Variants in SCLT1 observed in about 807,000 individuals in gnomAD.
The protein encoded by SCLT1 is sodium channel-associated protein 1.
SCLT1 carries 78 observed loss-of-function variants against 112.8 expected under a neutral mutation model. The ratio of observed to expected loss-of-function variants is 0.69; its 90% CI spans 0.58 to 0.83. SCLT1 has a LOEUF of 0.83. SCLT1 is among the 40% of genes least tolerant of loss of function. The pLI is 0.00. For synonymous variants in SCLT1, 257 were observed against 254.7 expected (o/e 1.01, Z -0.09); for missense variants, 747 against 770.4 (o/e 0.97, Z 0.36).
chr4:128,942,403 AG>A (rs1249525247), intron 17 of SCLT1, among the ~76,000 whole-genome samples: 2 of 152,158 alleles, frequency 1.3e-5, no homozygotes, highest in African/African-American at 4.8e-5. Context: ...ACATGGGGAA[AG>A]GTAAGCAAGA....
At chr4:128,978,227 C>G (rs1741350777) in intron 9 of SCLT1, among the ~76,000 whole-genome samples, 1 of 152,096 alleles carries the variant, frequency 6.6e-6, no homozygotes, top group South Asian at 2.1e-4. Flanking sequence ...TTGAAAACCA[C>G]TGACCTAGCA....
chr4:129,038,866 T>C (rs1442190553), intron 5 of SCLT1, among the ~76,000 whole-genome samples, 175 bp downstream of exon 5: 1 of 152,136 alleles, frequency 6.6e-6, no homozygotes, highest in Non-Finnish European at 1.5e-5. Flanking sequence ...GAAAGGGAAG[T>C]AACCTGTCCA....
intron 4 of SCLT1, among the ~76,000 whole-genome samples, chr4:129,041,045 G>A (rs1747656251): frequency 6.6e-6 from 1 of 152,140 alleles, no homozygotes; most frequent in Non-Finnish European, 1.5e-5. Context: ...AAATTTAAAT[G>A]AATTTAATTT....
intron 16 of SCLT1, among the ~76,000 whole-genome samples, chr4:128,944,054 C>T (rs1474310506): frequency 6.6e-6 from 1 of 152,102 alleles, no homozygotes; most frequent in Non-Finnish European, 1.5e-5. Context: ...GGCATGCTGA[C>T]CTGCCCATAT....
At chr4:128,896,621 T>A (rs748896259) in intron 18 of SCLT1, among the ~76,000 whole-genome samples, 2 of 152,110 alleles carry the variant, frequency 1.3e-5, no homozygotes, top group Non-Finnish European at 2.9e-5. Flanking sequence ...GAGTGCCTCT[T>A]CTCCTCCAAA....
At chr4:128,933,472 G>A (rs1054754502) in intron 18 of SCLT1, among the ~76,000 whole-genome samples, 4 of 151,906 alleles carry the variant, frequency 2.6e-5, no homozygotes, top group African/African-American at 7.3e-5. Context: ...TTGGTCCATG[G>A]GCCATTTTGA....
intron 5 of SCLT1, among the ~76,000 whole-genome samples, chr4:129,008,037 C>A (rs1449143358): frequency 6.6e-6 from 1 of 152,148 alleles, no homozygotes; most frequent in Non-Finnish European, 1.5e-5. Flanking sequence ...CATTTACACT[C>A]TTCCTAAATG....
At chr4:128,995,222 A>C (rs1373551493) in intron 8 of SCLT1, among the ~76,000 whole-genome samples, 1 of 152,170 alleles carries the variant, frequency 6.6e-6, no homozygotes, top group African/African-American at 2.4e-5. Context: ...ATAAGAGTCC[A>C]AAATCATGTT....
intron 2 of SCLT1, among the ~76,000 whole-genome samples, chr4:129,058,084 G>C (rs945263931): frequency 1.3e-5 from 2 of 151,882 alleles, no homozygotes; most frequent in Non-Finnish European, 2.9e-5. Flanking sequence ...ATAATGTCTC[G>C]TTTTTTCACT....
chr4:128,899,426 T>A (rs1254501047), intron 18 of SCLT1, among the ~76,000 whole-genome samples: 2 of 151,942 alleles, frequency 1.3e-5, no homozygotes, highest in South Asian at 4.1e-4. Context: ...ACAAAAACCA[T>A]AAGATTATCT....
chr4:129,062,471 A>G (rs1750072940), intron 2 of SCLT1, among the ~76,000 whole-genome samples: 1 of 152,002 alleles, frequency 6.6e-6, no homozygotes, highest in African/African-American at 2.4e-5. Context: ...TTGACTATAA[A>G]CTTACTTTTA....
intron 9 of SCLT1, among the ~76,000 whole-genome samples, chr4:128,975,680 G>T (rs549738413): frequency 1.1e-4 from 16 of 152,030 alleles, no homozygotes; most frequent in Non-Finnish European, 2.2e-4. Context: ...AAATGCACAC[G>T]TTAGGTAATT....
chr4:129,042,582 T>G (rs1256011627), intron 4 of SCLT1, among the ~76,000 whole-genome samples: 1 of 152,162 alleles, frequency 6.6e-6, no homozygotes, highest in Non-Finnish European at 1.5e-5. Context: ...TCTAAGCACC[T>G]AAGCAATATC....
intron 1 of SCLT1, among the ~76,000 whole-genome samples, chr4:129,088,384 C>A (rs1433030048): frequency 1.3e-5 from 2 of 152,062 alleles, no homozygotes; most frequent in African/African-American, 4.8e-5. Context: ...AACATAAGAA[C>A]GTCTATGAAA....
intron 10 of SCLT1, among the ~76,000 whole-genome samples, chr4:128,967,767 G>A (rs532519738): frequency 6.6e-6 from 1 of 152,130 alleles, no homozygotes; most frequent in Admixed American, 6.5e-5. Flanking sequence ...CAGATGCACA[G>A]TTTGCAAATA....
In SCLT1 at chr4:128,936,759, A is replaced by C. The variant is rs368502055; in HGVS notation, c.1725T>G (p.Val575=). The C allele has an allele frequency of 1.2e-6, 2 of 1,611,560 alleles. No homozygotes were observed. Among genetic ancestry groups the C allele is most frequent in the Non-Finnish European group, 1.7e-6 (2 of 1,177,880 alleles). Residue 575 remains valine (V), a synonymous_variant, in exon 18 of 21, where the codon GTT becomes GTG. Transcript: ENST00000281142. ...GAGTCGCTAGGAGATGCCTCAGTTC[A>C]ACAATGGAATTTCTATTACTGTCTT... ...EMEDSNRNSI[V]ELRHLLATQQ...
At chr4:129,022,531 G>T (rs552348166) in intron 5 of SCLT1, among the ~76,000 whole-genome samples, 3 of 152,186 alleles carry the variant, frequency 2.0e-5, no homozygotes, top group African/African-American at 7.2e-5. Flanking sequence ...TCGATCAAAT[G>T]GAAGAAAGGA....
intron 18 of SCLT1, among the ~76,000 whole-genome samples, chr4:128,925,206 C>T (rs1375469082): frequency 1.3e-5 from 2 of 152,144 alleles, no homozygotes; most frequent in Non-Finnish European, 2.9e-5. Context: ...TCAGACATGT[C>T]TAGATTCCTA....
intron 9 of SCLT1, among the ~76,000 whole-genome samples, chr4:128,976,462 T>C (rs1741183409): frequency 6.6e-6 from 1 of 152,178 alleles, no homozygotes; most frequent in South Asian, 2.1e-4. Context: ...TCAAATCTCT[T>C]ATGCAACAGA....
Sources: allele counts gnomAD v4.1 joint callset (sites outside exome capture counted in the v4.1 genomes callset), GRCh38; gene constraint gnomAD v4.1.1; transcripts MANE v1.5; gene names NCBI Gene and HGNC (gene_info 2026-07-23, HGNC 2026-07-21).